The following KMT5B variants were observed in gnomAD, a reference collection of about 807,000 sequenced individuals.
KMT5B encodes histone-lysine N-methyltransferase KMT5B.
A neutral mutation model predicts 83.2 loss-of-function variants in KMT5B; 10 were observed. The observed-to-expected ratio is 0.12, with a 90% CI of 0.07 to 0.20. The LOEUF (loss-of-function observed/expected upper bound fraction) is 0.20, where lower values mean the gene tolerates loss of function less well. KMT5B is among the 10% of genes least tolerant of loss of function. The pLI is 1.00. For missense variants in KMT5B, 753 were observed against 1,067.2 expected (o/e 0.71, Z 4.10); for synonymous variants, 349 against 388.8 (o/e 0.90, Z 1.20).
rs1173927731 is a variant in KMT5B at position 68,201,644 on chromosome 11, A to G, written c.-76-11492T>C. ...GAATGACTAGAAAGAATGTTAACGT[A>G]ATTCCTGTGACATTACCGAGAACCC... is the stretch of plus-strand genomic sequence containing the variant. On this transcript the variant is annotated intron_variant, in intron 1 of 10. Coordinates refer to ENST00000304363, the MANE Select transcript of KMT5B (RefSeq NM_017635.5). 2.6e-5 allele frequency among the ~76,000 whole-genome samples: 4 copies of G among 152,206 alleles called. No individual in the cohort carries two copies. In the South Asian group the frequency reaches 8.3e-4, roughly 31 times the overall value.
At chr11:68,165,312 T>C (rs1175735695) in intron 10 of KMT5B, among the ~76,000 whole-genome samples, 1 of 152,150 alleles carries the variant, frequency 6.6e-6, no homozygotes, top group African/African-American at 2.4e-5. Flanking sequence ...GAGACCATCC[T>C]GGACAACATG....
intron 10 of KMT5B, chr11:68,166,033 G>A: frequency 1.3e-6 from 2 of 1,597,642 alleles, no homozygotes; most frequent in South Asian, 1.1e-5. Context: ...ATCTCAGAGG[G>A]CTCTAAGGTG....
At chr11:68,169,856 T>C (rs1052315450) in intron 9 of KMT5B, among the ~76,000 whole-genome samples, 1 of 151,446 alleles carries the variant, frequency 6.6e-6, no homozygotes, top group African/African-American at 2.5e-5. Flanking sequence ...CTAACCAACA[T>C]GTGAATAATT....
In KMT5B at chr11:68,171,806, A is replaced by AT; in HGVS notation, c.654-98_654-97insA. Reference sequence around the variant, plus strand: ...TCCTGACAATAAATATCAGAAACTGAAAAGGCCTAGCTGTCTATACTTTAG... The same window carrying AT: ...TCCTGACAATAAATATCAGAAACTGATAAAGGCCTAGCTGTCTATACTTTAG... On this transcript the variant is annotated intron_variant, in intron 6 of 10. Coordinates refer to ENST00000304363, the MANE Select transcript of KMT5B (RefSeq NM_017635.5). This position sits in a 1 kb window ranked among gnomAD's most constrained non-coding sequence, Gnocchi z 5.1. 2 of 1,032,828 alleles carry AT rather than the reference A, an allele frequency of 1.9e-6. No homozygotes were observed. The highest frequency in any genetic ancestry group is 1.4e-6 in the Non-Finnish European group (1 of 712,522). 64.0% of individuals were successfully genotyped at this position (1,032,828 alleles called of 1,614,324 possible).
At chr11:68,173,754 A>G in intron 6 of KMT5B, 50 bp downstream of exon 6, 4 of 1,214,692 alleles carry the variant, frequency 3.3e-6, no homozygotes, top group Non-Finnish European at 4.7e-6. Context: ...ACAATAATTT[A>G]GAAGAGAACT....
At position 68,158,948 on chromosome 11, in the gene KMT5B, A is replaced by G. The variant is rs764169625; in HGVS notation, c.1398T>C (p.Ala466=). 1.2e-5 allele frequency: 19 copies of G among 1,613,666 alleles called. No homozygotes were observed. The highest frequency in any genetic ancestry group is 1.6e-5 in the Non-Finnish European group (19 of 1,179,958). The part of the protein sequence containing the change: ...NHCKRLEQKN[A]SRKLEMGNLV... ...AGTTTCCCATTTCGAGTTTTCTTGA[A>G]GCATTCTTTTGCTCCAGCCGCTTGC... is the stretch of plus-strand genomic sequence containing the variant. The change falls in exon 11 of 11, where the codon GCT becomes GCC. Residue 466 remains alanine (A), a synonymous_variant. Transcript: ENST00000304363.
intron 1 of KMT5B, among the ~76,000 whole-genome samples, chr11:68,208,394 A>C (rs1021895975): frequency 6.6e-6 from 1 of 151,924 alleles, no homozygotes; most frequent in Non-Finnish European, 1.5e-5. Flanking sequence ...TGGAGGTTGC[A>C]ATGAGCCAAG....
chr11:68,207,039 G>T (rs1006961664), intron 1 of KMT5B, among the ~76,000 whole-genome samples: 1 of 144,962 alleles, frequency 6.9e-6, no homozygotes, highest in East Asian at 2.0e-4. Flanking sequence ...TCAGGAGATC[G>T]AGACCATCCT....
intron 4 of KMT5B, among the ~76,000 whole-genome samples, chr11:68,179,297 G>A (rs547821035): frequency 1.3e-5 from 2 of 152,106 alleles, no homozygotes; most frequent in Admixed American, 6.5e-5. Context: ...AATATGCCCC[G>A]TCCTCCCTCC....
At chr11:68,187,849 G>C (rs567046234) in intron 2 of KMT5B, among the ~76,000 whole-genome samples, 12 of 151,960 alleles carry the variant, frequency 7.9e-5, no homozygotes, top group Non-Finnish European at 1.5e-4. Flanking sequence ...TCTGAGATGG[G>C]GCACTGCTCT....
chr11:68,171,830 A>AAT lies in KMT5B; in HGVS notation c.654-122_654-121insAT. 2.5e-6 allele frequency: 2 copies of AAT among 811,048 alleles called. No homozygotes were observed. The highest frequency in any genetic ancestry group is 2.9e-5 in the Admixed American group (1 of 34,942). The allele number at this position is 811,048 out of a possible 1,614,324, so 50.2% of individuals were successfully genotyped here. A position where few individuals can be genotyped will look rare whatever the true frequency, so the allele number is the denominator to read the frequency against. On this transcript the variant is annotated intron_variant, in intron 6 of 10. Coordinates refer to ENST00000304363, the MANE Select transcript of KMT5B (RefSeq NM_017635.5). The surrounding 1 kb of genome is among the most constrained non-coding windows in gnomAD (Gnocchi z 5.1). The stretch of plus-strand genomic sequence containing the variant: ...GAAAAGGCCTAGCTGTCTATACTTT[A>AAT]GTTAGCTCACTGGGATCCCCACCTG...
intron 10 of KMT5B, among the ~76,000 whole-genome samples, chr11:68,163,779 T>C (rs991313888): frequency 1.3e-5 from 2 of 152,130 alleles, no homozygotes; most frequent in African/African-American, 4.8e-5. Context: ...AACGGGGTGT[T>C]AGAATTTGGA....
At chr11:68,168,792 ACTT>A (rs1855565006) in intron 9 of KMT5B, among the ~76,000 whole-genome samples, 1 of 152,082 alleles carries the variant, frequency 6.6e-6, no homozygotes, top group African/African-American at 2.4e-5. Context: ...GTCCATTCTC[ACTT>A]CTTCACGGAG....
chr11:68,179,693 A>C, intron 4 of KMT5B: 1 of 1,089,350 alleles, frequency 9.2e-7, no homozygotes, highest in Non-Finnish European at 1.2e-6. Context: ...AAAAATGCTC[A>C]AATATTTAAG....
At chr11:68,186,073 TGCATA>T in intron 2 of KMT5B, 145 bp from the exon 3 acceptor site, 5 of 726,104 alleles carry the variant, frequency 6.9e-6, no homozygotes, top group Non-Finnish European at 8.7e-6. Context: ...TAATAACCTT[TGCATA>T]AGACAGAAAA....
At chr11:68,166,017 A>G in intron 10 of KMT5B, 1 of 1,612,024 alleles carries the variant, frequency 6.2e-7, no homozygotes. Context: ...ACCTAAAATA[A>G]TCAGTATCTC....
At chr11:68,167,932 G>A (rs1034329330) in intron 9 of KMT5B, among the ~76,000 whole-genome samples, 3 of 152,158 alleles carry the variant, frequency 2.0e-5, no homozygotes, top group South Asian at 4.1e-4. Context: ...AGCACGTTGG[G>A]AGGCTGAGGT....
chr11:68,157,885 A>G lies in KMT5B; in HGVS notation c.2461T>C (p.Tyr821His), dbSNP rs1298409759. 2 of 1,614,022 alleles carry G rather than the reference A, an allele frequency of 1.2e-6. No homozygotes were observed. The highest frequency in any genetic ancestry group is 2.7e-5 in the African/African-American group (2 of 75,054). The change falls in exon 11 of 11, where the codon TAT becomes CAT. Residue 821 changes from tyrosine (Y) to histidine (H), a missense_variant. Physicochemically the swap from Tyr to His is moderately conservative, Grantham distance 83. Around this residue, in one of 9 missense-constraint regions of KMT5B, gnomAD observed 161 missense variants for 195.1 expected, o/e 0.83. Transcript: ENST00000304363. ...SRMEVDDYSQ[Y>H]EEESTDDSSS... ...GAATCATCTGTACTTTCTTCCTCAT[A>G]CTGACTATAGTCATCCACCTCCATT... is the stretch of plus-strand genomic sequence containing the variant.
At chr11:68,206,959 G>A (rs761965326) in intron 1 of KMT5B, among the ~76,000 whole-genome samples, 1 of 152,138 alleles carries the variant, frequency 6.6e-6, no homozygotes, top group Non-Finnish European at 1.5e-5. Context: ...ATCATGCCAA[G>A]CAGCAGGGCA....
Sources: allele counts gnomAD v4.1 joint callset (sites outside exome capture counted in the v4.1 genomes callset), GRCh38; gene constraint gnomAD v4.1.1; regional missense constraint gnomAD v4.1.1; non-coding constraint Gnocchi (gnomAD v3.1); transcripts MANE v1.5; gene names NCBI Gene and HGNC (gene_info 2026-07-23, HGNC 2026-07-21).